NLGN1: variants seen among roughly 807,000 people sequenced by gnomAD.
The protein encoded by NLGN1 is neuroligin-1.
NLGN1 carries 12 observed loss-of-function variants against 65.5 expected under a neutral mutation model. The observed-to-expected ratio is 0.18, with a 90% CI of 0.12 to 0.30. The LOEUF (loss-of-function observed/expected upper bound fraction) is 0.30. Ranked by LOEUF, NLGN1 falls within the 10% of genes least tolerant of loss-of-function variation. NLGN1 has a pLI of 1.00. For missense variants in NLGN1, 750 were observed against 1,007.1 expected (o/e 0.74, Z 3.46); for synonymous variants, 350 against 359.5 (o/e 0.97, Z 0.30).
At chr3:173,669,131 T>C (rs1403106714) in intron 3 of NLGN1, among the ~76,000 whole-genome samples, 1 of 152,214 alleles carries the variant, frequency 6.6e-6, no homozygotes, top group Non-Finnish European at 1.5e-5. Context: ...CCTATGAGTA[T>C]GTTCTTACTT....
intron 4 of NLGN1, among the ~76,000 whole-genome samples, chr3:174,074,268 A>G (rs1416436186): frequency 6.6e-6 from 1 of 152,216 alleles, no homozygotes; most frequent in Non-Finnish European, 1.5e-5. Flanking sequence ...CAGACTTTAT[A>G]AATCACAATT....
At chr3:173,901,665 A>G (rs1737409498) in intron 4 of NLGN1, among the ~76,000 whole-genome samples, 1 of 152,068 alleles carries the variant, frequency 6.6e-6, no homozygotes, top group Admixed American at 6.6e-5. Context: ...GGTACTCAAG[A>G]CATCCTGATT....
chr3:173,482,639 C>T (rs1348841983), intron 2 of NLGN1, among the ~76,000 whole-genome samples: 1 of 151,682 alleles, frequency 6.6e-6, no homozygotes, highest in Admixed American at 6.6e-5. Context: ...ATTTTAGATA[C>T]AGTGGTGAGG....
chr3:174,022,905 G>C (rs1430208379), intron 4 of NLGN1, among the ~76,000 whole-genome samples: 1 of 152,066 alleles, frequency 6.6e-6, no homozygotes, highest in Non-Finnish European at 1.5e-5. Context: ...TGCTTACAAA[G>C]GTTTATTAAC....
intron 4 of NLGN1, among the ~76,000 whole-genome samples, chr3:174,183,687 CAT>C (rs143517347): frequency 0.099 from 15,030 of 152,196 alleles, 901 homozygotes; most frequent in Admixed American, 0.14. Flanking sequence ...TGAGAACACA[CAT>C]GTGCACACAT....
intron 4 of NLGN1, among the ~76,000 whole-genome samples, chr3:173,892,090 G>T (rs141449801): frequency 6.6e-6 from 1 of 151,980 alleles, no homozygotes; most frequent in South Asian, 2.1e-4. Context: ...TGATGCGTGA[G>T]AGAAGTCATC....
At chr3:173,452,312 G>A (rs1721730564) in intron 2 of NLGN1, among the ~76,000 whole-genome samples, 1 of 151,922 alleles carries the variant, frequency 6.6e-6, no homozygotes, top group African/African-American at 2.4e-5. Flanking sequence ...AGCCTCCCAA[G>A]TAGCTGGGAC....
chr3:173,410,078 A>T (rs1035180062), intron 1 of NLGN1, among the ~76,000 whole-genome samples: 2 of 152,208 alleles, frequency 1.3e-5, no homozygotes, highest in African/African-American at 4.8e-5. Context: ...CTAAGTTAGT[A>T]CTAAAATTCA....
At chr3:174,287,048 A>G (rs542248625), downstream of NLGN1, among the ~76,000 whole-genome samples, 5 of 151,714 alleles carry the variant, frequency 3.3e-5, no homozygotes, top group South Asian at 1.0e-3. Context: ...GAATTTAAAT[A>G]AATCCCTTTA....
intron 3 of NLGN1, among the ~76,000 whole-genome samples, chr3:173,728,228 C>T (rs1011399840): frequency 5.3e-5 from 8 of 151,894 alleles, no homozygotes; most frequent in African/African-American, 1.9e-4. Context: ...GACTTAGTGA[C>T]AAGATGTAAG....
At chr3:173,819,872 T>C (rs561839162) in intron 4 of NLGN1, among the ~76,000 whole-genome samples, 2 of 152,328 alleles carry the variant, frequency 1.3e-5, no homozygotes, top group Non-Finnish European at 2.9e-5. Context: ...TATGCATTTC[T>C]AGGAATACAG....
At chr3:174,202,985 T>C (rs1412703725) in intron 4 of NLGN1, among the ~76,000 whole-genome samples, 3 of 152,180 alleles carry the variant, frequency 2.0e-5, no homozygotes, top group Non-Finnish European at 4.4e-5. Flanking sequence ...ACTTTATTTA[T>C]TTATTTATTC....
At chr3:173,883,917 A>C (rs1733824497) in intron 4 of NLGN1, among the ~76,000 whole-genome samples, 1 of 150,996 alleles carries the variant, frequency 6.6e-6, no homozygotes, top group African/African-American at 2.4e-5. Flanking sequence ...CTGATATTTC[A>C]CATGAGAAAT....
intron 1 of NLGN1, among the ~76,000 whole-genome samples, chr3:173,411,479 A>G (rs1475309429): frequency 1.3e-5 from 2 of 152,130 alleles, no homozygotes; most frequent in East Asian, 1.9e-4. Flanking sequence ...CCCCAGGTCA[A>G]GTGGAGTGCT....
At chr3:173,558,941 C>G (rs1279857179) in intron 2 of NLGN1, among the ~76,000 whole-genome samples, 1 of 151,992 alleles carries the variant, frequency 6.6e-6, no homozygotes, top group African/African-American at 2.4e-5. Flanking sequence ...CTTTTCTCTT[C>G]CTGGTGGTTA....
At chr3:173,798,721 G>C (rs1714725409) in intron 3 of NLGN1, among the ~76,000 whole-genome samples, 1 of 152,002 alleles carries the variant, frequency 6.6e-6, no homozygotes, top group Non-Finnish European at 1.5e-5. Flanking sequence ...TAGTTTCCCT[G>C]TCTGTGTTTG....
intron 4 of NLGN1, among the ~76,000 whole-genome samples, chr3:174,214,411 C>T (rs929687461): frequency 1.3e-5 from 2 of 152,232 alleles, no homozygotes; most frequent in African/African-American, 4.8e-5. Flanking sequence ...GCCTTCTTTG[C>T]TCATGCAACA....
At chr3:173,666,156 G>C (rs548795455) in intron 3 of NLGN1, among the ~76,000 whole-genome samples, 1 of 152,174 alleles carries the variant, frequency 6.6e-6, no homozygotes, top group African/African-American at 2.4e-5. Context: ...AATTGACTTT[G>C]AGTTCCTGAT....
intron 2 of NLGN1, among the ~76,000 whole-genome samples, chr3:173,535,690 T>G (rs1190787954): frequency 6.6e-6 from 1 of 152,214 alleles, no homozygotes; most frequent in Non-Finnish European, 1.5e-5. Flanking sequence ...AGACCCACTT[T>G]TAATAATGGA....
Sources: gnomAD v4.1 joint callset for allele counts (sites outside exome capture counted in the v4.1 genomes callset) on GRCh38, gnomAD v4.1.1 for gene constraint, MANE v1.5 for transcripts, NCBI Gene and HGNC (gene_info 2026-07-23, HGNC 2026-07-21) for gene names.